DPYD: variants seen among roughly 807,000 people sequenced by gnomAD.
DPYD encodes the protein dihydropyrimidine dehydrogenase [NADP(+)].
In DPYD, 109 loss-of-function variants were observed where a neutral mutation model predicts 116.2. That is an observed-to-expected ratio of 0.94 (90% CI 0.80 to 1.10). The LOEUF is 1.10. Ranked by LOEUF, DPYD falls within the 50% of genes least tolerant of loss-of-function variation. The pLI is 0.00. For synonymous variants in DPYD, 440 were observed against 432.0 expected (o/e 1.02, Z -0.23); for missense variants, 1,302 against 1,254.5 (o/e 1.04, Z -0.57).
At chr1:97,878,165 G>A (rs1672016725) in intron 2 of DPYD, among the ~76,000 whole-genome samples, 2 of 151,686 alleles carry the variant, frequency 1.3e-5, no homozygotes, top group African/African-American at 4.8e-5. Flanking sequence ...ACCATGCTGA[G>A]CCACATTGGA....
intron 7 of DPYD, among the ~76,000 whole-genome samples, chr1:97,687,668 C>G (rs1660806491): frequency 6.6e-6 from 1 of 152,136 alleles, no homozygotes; most frequent in Non-Finnish European, 1.5e-5. Flanking sequence ...TATAAAGATA[C>G]ATGCAGGTGT....
At chr1:97,194,513 T>G (rs1418707740) in intron 19 of DPYD, among the ~76,000 whole-genome samples, 1 of 151,980 alleles carries the variant, frequency 6.6e-6, no homozygotes, top group Non-Finnish European at 1.5e-5. Flanking sequence ...ATTTATTTAT[T>G]TATTTATTTA....
At chr1:97,092,502 C>T (rs1649961414) in intron 21 of DPYD, among the ~76,000 whole-genome samples, 1 of 152,134 alleles carries the variant, frequency 6.6e-6, no homozygotes, top group Non-Finnish European at 1.5e-5. Flanking sequence ...TTTTGGTTAT[C>T]CTTCTCTTTC....
intron 18 of DPYD, among the ~76,000 whole-genome samples, chr1:97,286,576 T>C (rs1461879555): frequency 6.6e-6 from 1 of 152,198 alleles, no homozygotes; most frequent in East Asian, 1.9e-4. Flanking sequence ...GTAGATTTGG[T>C]CGTTTCACAT....
chr1:97,122,483 AAG>A (rs1652527028), intron 20 of DPYD, among the ~76,000 whole-genome samples: 2 of 152,166 alleles, frequency 1.3e-5, no homozygotes, highest in Non-Finnish European at 2.9e-5. Flanking sequence ...TTCTAGAATA[AAG>A]AGTCATACAC....
chr1:97,133,681 A>G (rs189316222), intron 20 of DPYD, among the ~76,000 whole-genome samples: 73 of 152,004 alleles, frequency 4.8e-4, no homozygotes, highest in Non-Finnish European at 7.8e-4. Flanking sequence ...ACATTGACCT[A>G]TTAGGTTACA....
chr1:97,229,587 T>TATAC (rs1661453418), intron 19 of DPYD, among the ~76,000 whole-genome samples: 4 of 64,672 alleles, frequency 6.2e-5, no homozygotes, highest in Admixed American at 1.7e-4. Flanking sequence ...TATATATATA[T>TATAC]ATACTGATTT....
At chr1:97,772,085 C>G (rs937823765) in intron 3 of DPYD, among the ~76,000 whole-genome samples, 2 of 152,042 alleles carry the variant, frequency 1.3e-5, no homozygotes, top group Non-Finnish European at 2.9e-5. Flanking sequence ...CTCACTTTTT[C>G]TGCCCAATGA....
rs971084945 is a variant in DPYD, at chr1:97,714,672, A to C, written c.483+6838T>G. 6.3e-4 allele frequency among the ~76,000 whole-genome samples: 95 copies of C among 151,544 alleles called. 1 individual carries two copies. Among genetic ancestry groups the C allele is most frequent in the South Asian group, 1.5e-3 (7 of 4,794 alleles). ...AGAAAAGACAAAAAAAAAAAAAAAA[A>C]AACAACTAAGCCGTATGTGTTGGTC... On this transcript the variant is annotated intron_variant, in intron 5 of 22. Coordinates refer to ENST00000370192, the MANE Select transcript of DPYD (RefSeq NM_000110.4).
At chr1:97,083,042 T>G (rs1649273615) in intron 21 of DPYD, among the ~76,000 whole-genome samples, 2 of 152,172 alleles carry the variant, frequency 1.3e-5, no homozygotes, top group South Asian at 4.1e-4. Context: ...ATCGCTTAGG[T>G]TGATCCAATA....
rs1227490945 is a variant in DPYD, at chr1:97,305,188, C to A, written c.2299+71G>T. ...TTGGGATCATAAAGGGCACAAAACT[C>A]TTGCAACATGACCTTCTGATTTTTC... On this transcript the variant is annotated intron_variant, in intron 18 of 22. Coordinates refer to ENST00000370192, the MANE Select transcript of DPYD (RefSeq NM_000110.4). 7 of 1,608,522 alleles carry A rather than the reference C, an allele frequency of 4.4e-6. No individual in the cohort carries two copies. The South Asian group carries it at 7.7e-5, about 18-fold the overall frequency.
At chr1:97,443,234 T>C (rs1675900856) in intron 14 of DPYD, among the ~76,000 whole-genome samples, 1 of 152,190 alleles carries the variant, frequency 6.6e-6, no homozygotes, top group Non-Finnish European at 1.5e-5. Flanking sequence ...TTATGATATA[T>C]TCTCTTTTTT....
At position 97,921,019 on chromosome 1, in the gene DPYD, C is replaced by A; in HGVS notation, c.-97G>T. The A allele has an allele frequency of 6.8e-7, 1 of 1,480,990 alleles. No homozygotes were observed. The highest frequency in any genetic ancestry group is 9.2e-7 in the Non-Finnish European group (1 of 1,086,750). 91.7% of individuals were successfully genotyped at this position (1,480,990 alleles called of 1,614,324 possible). A position where few individuals can be genotyped will look rare whatever the true frequency, so the allele number is the denominator to read the frequency against. On this transcript the variant is annotated 5_prime_UTR_variant, in exon 1 of 23. Coordinates refer to ENST00000370192, the MANE Select transcript of DPYD (RefSeq NM_000110.4). ...AAGTGACAGCAGCCGGAGCGCGAGT[C>A]GAAAACAGGCAGACTAGGGCCGGCG...
intron 12 of DPYD, among the ~76,000 whole-genome samples, chr1:97,517,396 C>T (rs982068959): frequency 6.6e-6 from 1 of 151,960 alleles, no homozygotes; most frequent in Non-Finnish European, 1.5e-5. Flanking sequence ...GTATATCTGT[C>T]CACGCATGGA....
At position 97,767,876 on chromosome 1, in the gene DPYD, C is replaced by A. The variant is rs572780862; in HGVS notation, c.234-27397G>T. 7.3e-5 allele frequency among the ~76,000 whole-genome samples: 11 copies of A among 150,724 alleles called. No homozygotes were observed. The East Asian group carries it at 2.2e-3, about 30-fold the overall frequency. Reference sequence around the variant, plus strand: ...CTAGAATTAATTTCAGCAATCCTCTCTTTAAATAGAGCCAAAACTAGATAA... The same window carrying A: ...CTAGAATTAATTTCAGCAATCCTCTATTTAAATAGAGCCAAAACTAGATAA... On this transcript the variant is annotated intron_variant, in intron 3 of 22. Coordinates refer to ENST00000370192, the MANE Select transcript of DPYD (RefSeq NM_000110.4).
At chr1:97,169,067 C>T (rs773660232) in intron 20 of DPYD, among the ~76,000 whole-genome samples, 8 of 151,882 alleles carry the variant, frequency 5.3e-5, no homozygotes, top group South Asian at 2.1e-4. Flanking sequence ...AGGCTAGTCT[C>T]GAACTCCTGA....
At chr1:97,793,393 C>A (rs1667410556) in intron 3 of DPYD, among the ~76,000 whole-genome samples, 1 of 151,998 alleles carries the variant, frequency 6.6e-6, no homozygotes, top group Non-Finnish European at 1.5e-5. Context: ...TTTCAGGTGA[C>A]CTAGAATAGC....
chr1:97,734,397 C>T (rs1256022086), intron 4 of DPYD, among the ~76,000 whole-genome samples: 1 of 152,028 alleles, frequency 6.6e-6, no homozygotes, highest in Non-Finnish European at 1.5e-5. Context: ...ATGTATATTC[C>T]AGCACCAATA....
At chr1:97,278,664 A>C (rs1171123253) in intron 18 of DPYD, among the ~76,000 whole-genome samples, 1 of 152,214 alleles carries the variant, frequency 6.6e-6, no homozygotes, top group Non-Finnish European at 1.5e-5. Context: ...AATGAGGATA[A>C]TCTGATGTGT....
Sources: gnomAD v4.1 joint callset for allele counts (sites outside exome capture counted in the v4.1 genomes callset) on GRCh38, gnomAD v4.1.1 for gene constraint, MANE v1.5 for transcripts, NCBI Gene and HGNC (gene_info 2026-07-23, HGNC 2026-07-21) for gene names.